The following SFI1 variants were observed in gnomAD, a reference collection of about 807,000 sequenced individuals.
The protein encoded by SFI1 is SFI1 centrin binding protein, also known as protein SFI1 homolog.
In SFI1, 195 loss-of-function variants were observed where a neutral mutation model predicts 207.5. The ratio of observed to expected loss-of-function variants is 0.94; its 90% CI spans 0.84 to 1.06. The LOEUF (loss-of-function observed/expected upper bound fraction) is 1.06. SFI1 is among the 50% of genes least tolerant of loss of function. SFI1 has a pLI of 0.00. For synonymous variants in SFI1, 630 were observed against 598.9 expected (o/e 1.05, Z -0.76); for missense variants, 1,634 against 1,588.0 (o/e 1.03, Z -0.49).
chr22:31,608,329 C>T (rs991687798), intron 22 of SFI1, among the ~76,000 whole-genome samples: 9 of 152,118 alleles, frequency 5.9e-5, no homozygotes, highest in East Asian at 1.9e-4. Flanking sequence ...CTTTCCTGGA[C>T]GTGTAGACCC....
At chr22:31,503,772 A>G (rs1403211416) in intron 1 of SFI1, among the ~76,000 whole-genome samples, 1 of 147,796 alleles carries the variant, frequency 6.8e-6, no homozygotes, top group Non-Finnish European at 1.5e-5. Context: ...TTTTTTAAGT[A>G]GAGACAGGGT....
At chr22:31,523,237 A>G (rs2057489759) in intron 2 of SFI1, among the ~76,000 whole-genome samples, 1 of 152,188 alleles carries the variant, frequency 6.6e-6, no homozygotes, top group Admixed American at 6.6e-5. Context: ...GCCAGTAAAT[A>G]CAATGATATT....
At chr22:31,578,479 T>C (rs574372270) in intron 11 of SFI1, 27 bp downstream of exon 11, 105 of 1,605,968 alleles carry the variant, frequency 6.5e-5, no homozygotes, top group South Asian at 6.3e-4. Context: ...CTGGCACGGG[T>C]CCGCTTGGCA....
chr22:31,602,066 T>C, intron 15 of SFI1, 146 bp from the exon 16 acceptor site: 1 of 691,156 alleles, frequency 1.4e-6, no homozygotes, highest in Non-Finnish European at 2.5e-6. Flanking sequence ...ATTGCAGACA[T>C]GGGCCACTGT....
chr22:31,550,649 C>T (rs1283268546), intron 6 of SFI1: 3 of 293,324 alleles, frequency 1.0e-5, no homozygotes, highest in East Asian at 1.6e-4. Context: ...TCCTGTGGCA[C>T]CTGGGGCTGC....
At chr22:31,551,069 A>G (rs1909513816) in intron 6 of SFI1, among the ~76,000 whole-genome samples, 1 of 152,122 alleles carries the variant, frequency 6.6e-6, no homozygotes, top group Non-Finnish European at 1.5e-5. Flanking sequence ...ATCACTTGCA[A>G]TCATCGTTGC....
At position 31,512,847 on chromosome 22, in the gene SFI1, C is replaced by T. The variant is rs4820977; in HGVS notation, c.92+4471C>T. ...GACTACAGGCGCCTGCCACCACGCC[C>T]GGCTAATTTTTTGTATTTTTAGTAG... is the stretch of plus-strand genomic sequence containing the variant. On this transcript the variant is annotated intron_variant, in intron 2 of 32. Coordinates refer to ENST00000400288, the MANE Select transcript of SFI1 (RefSeq NM_001007467.3). Among the ~76,000 whole-genome samples the T allele has an allele frequency of 4.2e-3, 633 of 152,184 alleles. 3 individuals carry two copies. Among genetic ancestry groups the T allele is most frequent in the African/African-American group, 0.014 (571 of 41,534 alleles).
At chr22:31,534,096 A>G (rs1165384164) in intron 4 of SFI1, among the ~76,000 whole-genome samples, 2 of 152,138 alleles carry the variant, frequency 1.3e-5, no homozygotes, top group East Asian at 3.9e-4. Flanking sequence ...TTTTAAATCT[A>G]TAAAGCATTA....
chr22:31,539,523 A>G (rs887348307), intron 4 of SFI1, among the ~76,000 whole-genome samples: 2 of 151,848 alleles, frequency 1.3e-5, no homozygotes, highest in Admixed American at 6.6e-5. Flanking sequence ...TTTCTTTTTA[A>G]TAGTATCCTG....
intron 32 of SFI1, 28 bp downstream of exon 32, chr22:31,618,254 C>CA: frequency 8.1e-6 from 13 of 1,598,044 alleles, no homozygotes; most frequent in Non-Finnish European, 1.1e-5. Context: ...CCCCAGGTGT[C>CA]CCTGGGGACG....
intron 29 of SFI1, 30 bp from the exon 30 acceptor site, chr22:31,616,700 CCTCCTAGCTTCCTTG>C: frequency 6.6e-7 from 1 of 1,504,452 alleles, no homozygotes; most frequent in Non-Finnish European, 8.9e-7. Context: ...TCCCTGGCTT[CCTCCTAGCTTCCTTG>C]CTCAGCATCT....
intron 1 of SFI1, among the ~76,000 whole-genome samples, 184 bp from the exon 2 acceptor site, chr22:31,508,071 G>A (rs738654): frequency 3.3e-5 from 5 of 151,596 alleles, no homozygotes; most frequent in African/African-American, 7.3e-5. Flanking sequence ...GCAAGACTTC[G>A]TCTCAAAAAA....
chr22:31,570,719 TAGAG>T (rs1348830764), intron 8 of SFI1, among the ~76,000 whole-genome samples: 2 of 151,694 alleles, frequency 1.3e-5, no homozygotes, highest in East Asian at 1.9e-4. Context: ...CTGGGCAACA[TAGAG>T]AGACCCCATC....
chr22:31,547,940 C>T (rs1263169631), intron 5 of SFI1, among the ~76,000 whole-genome samples: 3 of 148,664 alleles, frequency 2.0e-5, no homozygotes, highest in Non-Finnish European at 4.5e-5. Flanking sequence ...TGTGGCCGGG[C>T]ATGGTGGCTC....
intron 3 of SFI1, 179 bp from the exon 4 acceptor site, chr22:31,530,879 T>C: frequency 1.7e-6 from 1 of 585,810 alleles, no homozygotes; most frequent in East Asian, 2.8e-5. Flanking sequence ...GATTTTAGCT[T>C]TATAAATCTG....
intron 15 of SFI1, among the ~76,000 whole-genome samples, chr22:31,594,629 G>C (rs546268133): frequency 2.0e-5 from 3 of 151,820 alleles, no homozygotes; most frequent in Non-Finnish European, 4.4e-5. Context: ...TCCAAGGCGG[G>C]CGGATCACGA....
At chr22:31,545,746 A>G (rs1463485057) in intron 4 of SFI1, among the ~76,000 whole-genome samples, 1 of 147,862 alleles carries the variant, frequency 6.8e-6, no homozygotes, top group Non-Finnish European at 1.5e-5. Flanking sequence ...ATGCCTGGCT[A>G]ATTTTTGTAT....
intron 8 of SFI1, among the ~76,000 whole-genome samples, chr22:31,566,278 G>A (rs1293968874): frequency 6.6e-6 from 1 of 152,082 alleles, no homozygotes; most frequent in Non-Finnish European, 1.5e-5. Flanking sequence ...ATTTTTAGTA[G>A]AGATGGGGTT....
At chr22:31,558,430 T>C (rs1415207415) in intron 7 of SFI1, among the ~76,000 whole-genome samples, 1 of 152,086 alleles carries the variant, frequency 6.6e-6, no homozygotes, top group Middle Eastern at 3.2e-3. Flanking sequence ...TATTTCAAAA[T>C]GCCTAATTAG....
Sources: gnomAD v4.1 joint callset for allele counts (sites outside exome capture counted in the v4.1 genomes callset) on GRCh38, gnomAD v4.1.1 for gene constraint, MANE v1.5 for transcripts, NCBI Gene and HGNC (gene_info 2026-07-23, HGNC 2026-07-21) for gene names.